ZHX2: variants seen among roughly 807,000 people sequenced by gnomAD.
The protein encoded by ZHX2 is zinc fingers and homeoboxes protein 2.
A neutral mutation model predicts 21.9 loss-of-function variants in ZHX2; 6 were observed. The observed-to-expected ratio is 0.27, with a 90% CI of 0.15 to 0.54. The LOEUF (loss-of-function observed/expected upper bound fraction) is 0.54, where lower values mean the gene tolerates loss of function less well. ZHX2 is among the 20% of genes least tolerant of loss of function. The pLI is 0.95. For synonymous variants in ZHX2, 434 were observed against 437.1 expected (o/e 0.99, Z 0.09); for missense variants, 908 against 1,090.7 (o/e 0.83, Z 2.36).
chr8:122,805,685 T>A (rs561407330), intron 1 of ZHX2, among the ~76,000 whole-genome samples: 76 of 152,322 alleles, frequency 5.0e-4, no homozygotes, highest in African/African-American at 1.7e-3. Flanking sequence ...GTGGGTAGAT[T>A]GCCAGAGCAG....
At chr8:122,930,132 C>A (rs754112607) in intron 2 of ZHX2, among the ~76,000 whole-genome samples, 10 of 152,180 alleles carry the variant, frequency 6.6e-5, no homozygotes, top group Non-Finnish European at 1.5e-4. Flanking sequence ...GAGGTCCTAG[C>A]ATTTCCTGCT....
intron 1 of ZHX2, among the ~76,000 whole-genome samples, chr8:122,860,718 G>A (rs148783674): frequency 9.9e-5 from 15 of 152,236 alleles, no homozygotes; most frequent in Middle Eastern, 3.4e-3. Flanking sequence ...ACAGGTACAA[G>A]AGCAGTTGCA....
In ZHX2 at chr8:122,955,564, C is replaced by T. The variant is rs548807214; in HGVS notation, c.*4+1536C>T. On this transcript the variant is annotated intron_variant, in intron 3 of 3. Transcript: ENST00000314393. ...AAACCTTGTTTTAGCCAGTTCCATC[C>T]GCTATTAAAAGAGCACTTTAACGAG... Among the ~76,000 whole-genome samples the T allele has an allele frequency of 6.6e-5, 10 of 152,240 alleles. No individual in the cohort carries two copies. The South Asian group carries it at 1.2e-3, about 19-fold the overall frequency.
chr8:122,877,110 A>G (rs1045819061), intron 2 of ZHX2, among the ~76,000 whole-genome samples: 7 of 152,138 alleles, frequency 4.6e-5, no homozygotes, highest in South Asian at 2.1e-4. Context: ...GAGGATGGCA[A>G]TGGCAGTGGG....
At chr8:122,821,618 G>A (rs1563742104) in intron 1 of ZHX2, among the ~76,000 whole-genome samples, 1 of 152,032 alleles carries the variant, frequency 6.6e-6, no homozygotes. Context: ...TAGGATGCAG[G>A]CAACACAGAG....
intron 2 of ZHX2, among the ~76,000 whole-genome samples, chr8:122,946,913 A>G (rs1271925482): frequency 1.3e-5 from 2 of 151,936 alleles, no homozygotes; most frequent in Non-Finnish European, 2.9e-5. Flanking sequence ...AGGAGATTTT[A>G]GCATACCTCA....
chr8:122,881,645 C>T (rs1447016772), intron 2 of ZHX2, among the ~76,000 whole-genome samples: 4 of 152,014 alleles, frequency 2.6e-5, no homozygotes, highest in African/African-American at 7.3e-5. Flanking sequence ...GGGGTGAAAC[C>T]GCAAAAGGCA....
intron 2 of ZHX2, among the ~76,000 whole-genome samples, chr8:122,937,734 A>G (rs1034134131): frequency 6.7e-6 from 1 of 149,504 alleles, no homozygotes; most frequent in African/African-American, 2.5e-5. Flanking sequence ...GCCCACTACC[A>G]CACCTGGCTA....
At chr8:122,845,842 A>G (rs1473315420) in intron 1 of ZHX2, among the ~76,000 whole-genome samples, 1 of 152,248 alleles carries the variant, frequency 6.6e-6, no homozygotes, top group Non-Finnish European at 1.5e-5. Context: ...CAGAAAAGAC[A>G]GGAAAGAGCC....
intron 1 of ZHX2, among the ~76,000 whole-genome samples, chr8:122,844,494 G>T (rs1818710142): frequency 6.6e-6 from 1 of 152,218 alleles, no homozygotes; most frequent in South Asian, 2.1e-4. Flanking sequence ...CTGGGATCTG[G>T]AAAGAACTCT....
At chr8:122,869,617 T>C (rs1434293140) in intron 2 of ZHX2, among the ~76,000 whole-genome samples, 4 of 152,168 alleles carry the variant, frequency 2.6e-5, no homozygotes, top group African/African-American at 9.7e-5. Flanking sequence ...GCATCAGAAC[T>C]CCATGCAGGT....
intron 2 of ZHX2, among the ~76,000 whole-genome samples, chr8:122,936,612 A>G (rs1400675691): frequency 6.6e-6 from 1 of 152,244 alleles, no homozygotes; most frequent in Non-Finnish European, 1.5e-5. Context: ...GGATGTTTTC[A>G]GTTACAAGTG....
intron 2 of ZHX2, among the ~76,000 whole-genome samples, chr8:122,938,871 G>A (rs759138061): frequency 1.3e-5 from 2 of 151,968 alleles, no homozygotes; most frequent in Admixed American, 1.3e-4. Context: ...AAGAAGAATC[G>A]AGATCAAGAA....
intron 1 of ZHX2, among the ~76,000 whole-genome samples, chr8:122,839,341 C>T (rs1180619426): frequency 6.6e-6 from 1 of 152,146 alleles, no homozygotes; most frequent in Non-Finnish European, 1.5e-5. Context: ...ACCCTTCTTC[C>T]ACTTGTTTAT....
intron 2 of ZHX2, among the ~76,000 whole-genome samples, chr8:122,946,147 A>G (rs1249404028): frequency 6.6e-6 from 1 of 151,872 alleles, no homozygotes; most frequent in African/African-American, 2.4e-5. Flanking sequence ...CTTATTTTTT[A>G]TTTTTGCCAA....
At chr8:122,880,917 G>A (rs1819700347) in intron 2 of ZHX2, among the ~76,000 whole-genome samples, 2 of 152,134 alleles carry the variant, frequency 1.3e-5, no homozygotes, top group South Asian at 2.1e-4. Context: ...TTGACAATAG[G>A]AAGTCAAGTT....
intron 3 of ZHX2, among the ~76,000 whole-genome samples, chr8:122,969,708 A>C (rs1277156429): frequency 2.0e-5 from 3 of 152,154 alleles, no homozygotes; most frequent in South Asian, 4.2e-4. Flanking sequence ...CAAATGAGCA[A>C]TAAACCTTGC....
chr8:122,793,868 GC>G (rs1436405275), intron 1 of ZHX2, among the ~76,000 whole-genome samples: 2 of 152,134 alleles, frequency 1.3e-5, no homozygotes, highest in Admixed American at 1.3e-4. Flanking sequence ...ACCTCCTACT[GC>G]CACTCTCCCC....
chr8:122,887,049 C>CTGTGTGTGTG (rs1313705680), intron 2 of ZHX2, among the ~76,000 whole-genome samples: 3 of 110,432 alleles, frequency 2.7e-5, no homozygotes, highest in Non-Finnish European at 5.3e-5. Context: ...TGCTCTGCCA[C>CTGTGTGTGTG]CGTGTGTGTG....
Sources: gnomAD v4.1 joint callset for allele counts (sites outside exome capture counted in the v4.1 genomes callset) on GRCh38, gnomAD v4.1.1 for gene constraint, MANE v1.5 for transcripts, NCBI Gene and HGNC (gene_info 2026-07-23, HGNC 2026-07-21) for gene names.